THEMIS: variants seen among roughly 807,000 people sequenced by gnomAD.
THEMIS encodes the protein thymocyte selection associated.
Under a neutral mutation model 52.6 loss-of-function variants are expected in THEMIS, and 37 were observed. The ratio of observed to expected loss-of-function variants is 0.70; its 90% CI spans 0.54 to 0.93. The LOEUF (loss-of-function observed/expected upper bound fraction) is 0.93. Among genes scored for constraint, THEMIS ranks in the 40% least tolerant of loss-of-function variants. The pLI, the probability that THEMIS is intolerant of heterozygous loss-of-function variation, is 0.00. For missense variants in THEMIS, 808 were observed against 763.1 expected, an observed-to-expected ratio of 1.06 and a Z score of -0.69; for synonymous variants, 292 against 272.7, an observed-to-expected ratio of 1.07 and a Z score of -0.70.
At chr6:127,889,037 A>G (rs1176219550) in intron 1 of THEMIS, among the ~76,000 whole-genome samples, 1 of 152,114 alleles carries the variant, frequency 6.6e-6, no homozygotes, top group Admixed American at 6.6e-5. Context: ...ATTAAACAAT[A>G]AAGTATATTT....
Position 127,813,583 on chromosome 6 carries a change from T to A in THEMIS, c.1058A>T (p.Tyr353Phe). 6.2e-7 allele frequency: 1 copy of A among 1,614,094 alleles called. No homozygotes were observed. The highest frequency in any genetic ancestry group is 8.5e-7 in the Non-Finnish European group (1 of 1,179,996). The change falls in exon 4 of 6, where the codon TAT (tyrosine) becomes TTT (phenylalanine). Residue 353 changes from tyrosine to phenylalanine, a missense_variant. Coordinates refer to ENST00000368248, the MANE Select transcript of THEMIS (RefSeq NM_001010923.3). Reference protein sequence around the residue: ...KRRPREFPTAYDLEIAKSEKE... With the variant: ...KRRPREFPTAFDLEIAKSEKE... ...TTCACTCTTAGCGATCTCTAGGTCATAGGCCGTTGGGAACTCCCTCGGTCG... is the reference window on the plus strand; with the variant it reads ...TTCACTCTTAGCGATCTCTAGGTCAAAGGCCGTTGGGAACTCCCTCGGTCG...
At chr6:127,907,202 G>A (rs910346566) in intron 1 of THEMIS, among the ~76,000 whole-genome samples, 2 of 151,770 alleles carry the variant, frequency 1.3e-5, no homozygotes, top group Admixed American at 6.6e-5. Context: ...AGGCTTATAG[G>A]AATCACTCCT....
intron 4 of THEMIS, among the ~76,000 whole-genome samples, chr6:127,759,491 C>A (rs909384240): frequency 6.6e-6 from 1 of 152,148 alleles, no homozygotes; most frequent in African/African-American, 2.4e-5. Context: ...TTATTCACTT[C>A]TCCTCAAACA....
intron 1 of THEMIS, among the ~76,000 whole-genome samples, chr6:127,915,040 C>T (rs574093717): frequency 6.6e-6 from 1 of 152,242 alleles, no homozygotes; most frequent in East Asian, 1.9e-4. Context: ...TTTAATCTTA[C>T]ACAGATTGAG....
At chr6:127,913,076 AT>A (rs1781446464) in intron 1 of THEMIS, among the ~76,000 whole-genome samples, 1 of 152,184 alleles carries the variant, frequency 6.6e-6, no homozygotes, top group Admixed American at 6.5e-5. Context: ...CCTGAATGAC[AT>A]CAGTGGCCAA....
chr6:127,759,924 T>C (rs1306023855), intron 4 of THEMIS, among the ~76,000 whole-genome samples: 1 of 148,180 alleles, frequency 6.7e-6, no homozygotes, highest in Non-Finnish European at 1.5e-5. Context: ...TAATCTCTTG[T>C]TCATAGGGTA....
chr6:127,804,957 A>C (rs1562268178), intron 4 of THEMIS, among the ~76,000 whole-genome samples: 1 of 152,170 alleles, frequency 6.6e-6, no homozygotes, highest in East Asian at 1.9e-4. Flanking sequence ...CACTAAAAAA[A>C]ACAAATATTT....
At chr6:127,717,357 C>T (rs1191566806) in intron 5 of THEMIS, among the ~76,000 whole-genome samples, 2 of 151,940 alleles carry the variant, frequency 1.3e-5, no homozygotes, top group African/African-American at 4.8e-5. Context: ...AAGGTCTGCA[C>T]TTTATCATTC....
chr6:127,896,227 TC>T (rs942344800), intron 1 of THEMIS, among the ~76,000 whole-genome samples: 10 of 151,244 alleles, frequency 6.6e-5, no homozygotes, highest in African/African-American at 2.2e-4. Flanking sequence ...AATACAGAGA[TC>T]TTTTTTTTAT....
chr6:127,723,344 TTGGTTTC>T (rs562003565), intron 4 of THEMIS, among the ~76,000 whole-genome samples: 113 of 152,154 alleles, frequency 7.4e-4, no homozygotes, highest in African/African-American at 2.6e-3. Flanking sequence ...CCTCCTTCTT[TTGGTTTC>T]TGATGTTCCT....
At chr6:127,826,086 T>C (rs1778497358) in intron 3 of THEMIS, among the ~76,000 whole-genome samples, 1 of 152,144 alleles carries the variant, frequency 6.6e-6, no homozygotes, top group African/African-American at 2.4e-5. Context: ...AAGTCAATAG[T>C]TACTATCTTA....
At chr6:127,755,284 A>G (rs1775783632) in intron 4 of THEMIS, among the ~76,000 whole-genome samples, 1 of 152,200 alleles carries the variant, frequency 6.6e-6, no homozygotes, top group Admixed American at 6.5e-5. Flanking sequence ...AATACTTTTA[A>G]ATTAAAAGTT....
intron 4 of THEMIS, among the ~76,000 whole-genome samples, chr6:127,751,760 T>G (rs931198282): frequency 5.3e-5 from 8 of 151,650 alleles, no homozygotes; most frequent in African/African-American, 1.7e-4. Flanking sequence ...TAGGGGACTC[T>G]AATACTGCAC....
Position 127,709,214 on chromosome 6 carries a change from T to C in THEMIS, c.*771A>G, listed in dbSNP as rs1338717747. The C allele has an allele frequency of 6.6e-6, 1 of 152,032 alleles. No homozygotes were observed. Among genetic ancestry groups the C allele is most frequent in the Non-Finnish European group, 1.5e-5 (1 of 67,960 alleles). 9.4% of individuals were successfully genotyped at this position (152,032 alleles called of 1,614,324 possible). On this transcript the variant is annotated 3_prime_UTR_variant, in exon 6 of 6. Coordinates refer to ENST00000368248, the MANE Select transcript of THEMIS (RefSeq NM_001010923.3). ...GTCTTTTTCTTTCCATCAAATATTA[T>C]GATTAACTAGATAATTTTCCTACAA... is the stretch of plus-strand genomic sequence containing the variant.
upstream of THEMIS, among the ~76,000 whole-genome samples, chr6:127,905,910 A>T (rs1393414720): frequency 6.6e-6 from 1 of 151,584 alleles, no homozygotes; most frequent in African/African-American, 2.4e-5. Flanking sequence ...TTATGATGGT[A>T]TACATAAACT....
chr6:127,731,915 C>G (rs1774820925), intron 4 of THEMIS, among the ~76,000 whole-genome samples: 2 of 110,338 alleles, frequency 1.8e-5, no homozygotes, highest in South Asian at 6.8e-4. Context: ...ACCCTGTTAG[C>G]CAGGATGGTC....
intron 4 of THEMIS, among the ~76,000 whole-genome samples, chr6:127,773,777 A>C (rs1776464726): frequency 6.6e-6 from 1 of 152,256 alleles, no homozygotes; most frequent in African/African-American, 2.4e-5. Context: ...AAAAAAATTT[A>C]AGGTTAGTTA....
chr6:127,785,884 C>T (rs1430741227), intron 4 of THEMIS, among the ~76,000 whole-genome samples: 1 of 151,952 alleles, frequency 6.6e-6, no homozygotes, highest in African/African-American at 2.4e-5. Flanking sequence ...ATTGTAATTA[C>T]ATATTATACC....
chr6:127,803,578 A>G (rs114898778), intron 4 of THEMIS, among the ~76,000 whole-genome samples: 1,595 of 152,258 alleles, frequency 0.01, 39 homozygotes, highest in African/African-American at 0.037. Context: ...ATTCAAATTA[A>G]TAGTCCTAAG....
Sources: gnomAD v4.1 joint callset for allele counts (sites outside exome capture counted in the v4.1 genomes callset) on GRCh38, gnomAD v4.1.1 for gene constraint, MANE v1.5 for transcripts, NCBI Gene and HGNC (gene_info 2026-07-23, HGNC 2026-07-21) for gene names.